The following ST8SIA6 variants were observed in gnomAD, a reference collection of about 807,000 sequenced individuals.
ST8SIA6 encodes ST8 alpha-N-acetyl-neuraminide alpha-2,8-sialyltransferase 6, also known as alpha-2,8-sialyltransferase 8F.
In ST8SIA6, 39 loss-of-function variants were observed where a neutral mutation model predicts 33.6. The observed-to-expected ratio is 1.16, with a 90% CI of 0.90 to 1.52. ST8SIA6 has a LOEUF of 1.52. ST8SIA6 is among the 40% of genes most tolerant of loss of function. The probability of loss-of-function intolerance (pLI) is 0.00; values close to 1 mark genes in which losing one functional copy is unlikely to be tolerated. For missense variants in ST8SIA6, 441 were observed against 443.8 expected (o/e 0.99, Z 0.06); for synonymous variants, 172 against 167.2 (o/e 1.03, Z -0.22).
intron 2 of ST8SIA6, among the ~76,000 whole-genome samples, chr10:17,439,710 C>T (rs769127531): frequency 6.6e-6 from 1 of 152,206 alleles, no homozygotes; most frequent in Non-Finnish European, 1.5e-5. Context: ...GCCTCCTGCA[C>T]AATCCTAACA....
At chr10:17,408,767 T>G (rs1382431812) in intron 2 of ST8SIA6, among the ~76,000 whole-genome samples, 1 of 152,028 alleles carries the variant, frequency 6.6e-6, no homozygotes, top group African/African-American at 2.4e-5. Flanking sequence ...TTTATTTATT[T>G]TTTTTGAGAC....
At position 17,398,872 on chromosome 10, in the gene ST8SIA6, A is replaced by G. The variant is rs182177905; in HGVS notation, c.201-8252T>C. 6.3e-4 allele frequency among the ~76,000 whole-genome samples: 96 copies of G among 152,284 alleles called. 1 individual carries two copies. Among genetic ancestry groups the G allele is most frequent in the Non-Finnish European group, 1.0e-3 (68 of 68,024 alleles). Reference sequence around the variant, plus strand: ...TGCCCCTGGGACAGAGGCCACAGTAATTAGCTGTGCACCAACTTCCAGCTC... The same window carrying G: ...TGCCCCTGGGACAGAGGCCACAGTAGTTAGCTGTGCACCAACTTCCAGCTC... On this transcript the variant is annotated intron_variant, in intron 2 of 7. Transcript: ENST00000377602.
At chr10:17,387,126 A>G (rs1850397743) in intron 3 of ST8SIA6, 1 of 152,380 alleles carries the variant, frequency 6.6e-6, no homozygotes, top group African/African-American at 2.4e-5. Context: ...CAGAGATGAA[A>G]CTGGAGGGTG....
intron 2 of ST8SIA6, among the ~76,000 whole-genome samples, chr10:17,443,848 C>T (rs1004747145): frequency 3.3e-5 from 5 of 152,152 alleles, no homozygotes; most frequent in Admixed American, 6.5e-5. Flanking sequence ...CCAAACCATC[C>T]GTGGCTTTTT....
intron 4 of ST8SIA6, among the ~76,000 whole-genome samples, chr10:17,357,655 C>A (rs1477873925): frequency 6.6e-6 from 1 of 152,184 alleles, no homozygotes; most frequent in East Asian, 1.9e-4. Context: ...ATTCTCCCTG[C>A]CTTCGTGGCA....
chr10:17,364,573 A>G (rs1322268946), intron 3 of ST8SIA6, among the ~76,000 whole-genome samples: 1 of 152,196 alleles, frequency 6.6e-6, no homozygotes, highest in Non-Finnish European at 1.5e-5. Context: ...TATAAAAGGG[A>G]ATTTTTTTCT....
intron 2 of ST8SIA6, 132 bp downstream of exon 2, chr10:17,453,427 A>G (rs922009779): frequency 4.9e-6 from 3 of 614,800 alleles, no homozygotes; most frequent in Non-Finnish European, 7.1e-6. Context: ...CTTCAAACAC[A>G]CGCACACTCT....
chr10:17,436,869 G>C (rs1852280308), intron 2 of ST8SIA6, among the ~76,000 whole-genome samples: 6 of 152,086 alleles, frequency 3.9e-5, no homozygotes, highest in Admixed American at 3.9e-4. Context: ...CTCTTCCCTT[G>C]TCTGCCACCC....
At chr10:17,333,674 T>TAGATATATATATATAGATAG (rs1430829549) in intron 4 of ST8SIA6, among the ~76,000 whole-genome samples, 1 of 24,260 alleles carries the variant, frequency 4.1e-5, no homozygotes, top group South Asian at 1.9e-3. Context: ...GGTGCTGGGA[T>TAGATATATATATATAGATAG]ATATATATAT....
chr10:17,323,010 A>C, intron 7 of ST8SIA6, 55 bp downstream of exon 7: 2 of 1,490,556 alleles, frequency 1.3e-6, no homozygotes, highest in Non-Finnish European at 1.9e-6. Flanking sequence ...GCTGAGAAAC[A>C]TGTTGAACAA....
At position 17,321,021 on chromosome 10, in the gene ST8SIA6, C is replaced by T; in HGVS notation, c.1054G>A (p.Asp352Asn). ...GFWPFSKTVE[D>N]IPVSHHYYDN... ...TAATAGTGATGGCTGACAGGTATGT[C>T]TTCTACAGTTTTAGAGAAGGGCCAG... Residue 352 changes from aspartate (D) to asparagine (N), a missense_variant, in exon 8 of 8, where the codon GAC becomes AAC. Transcript: ENST00000377602. 1 of 1,614,020 alleles carries T rather than the reference C, an allele frequency of 6.2e-7. No homozygotes were observed. Among genetic ancestry groups the T allele is most frequent in the East Asian group, 2.2e-5 (1 of 44,876 alleles).
At chr10:17,326,787 A>T (rs770861827) in intron 6 of ST8SIA6, among the ~76,000 whole-genome samples, 23 of 152,200 alleles carry the variant, frequency 1.5e-4, no homozygotes, top group Non-Finnish European at 3.1e-4. Context: ...AATTTCACCC[A>T]GAGTTTCCTA....
chr10:17,381,983 G>A (rs774839447), intron 3 of ST8SIA6, among the ~76,000 whole-genome samples: 1 of 152,196 alleles, frequency 6.6e-6, no homozygotes, highest in Non-Finnish European at 1.5e-5. Flanking sequence ...AACAAGGACA[G>A]CTTGAAGGTT....
At chr10:17,440,470 TGCTGGGATTACAG>T (rs888760902) in intron 2 of ST8SIA6, among the ~76,000 whole-genome samples, 1 of 152,152 alleles carries the variant, frequency 6.6e-6, no homozygotes, top group African/African-American at 2.4e-5. Flanking sequence ...CCTCCCAAAG[TGCTGGGATTACAG>T]GTGTGAGCCA....
chr10:17,443,422 C>T (rs1852575775), intron 2 of ST8SIA6, among the ~76,000 whole-genome samples: 1 of 152,184 alleles, frequency 6.6e-6, no homozygotes, highest in African/African-American at 2.4e-5. Context: ...TCTTTACAAC[C>T]TCAATTTCTG....
chr10:17,364,167 TTGCCATCCATGGACAACTGGGAAAAATG>T (rs1032250345), intron 3 of ST8SIA6, among the ~76,000 whole-genome samples: 1 of 152,232 alleles, frequency 6.6e-6, no homozygotes, highest in Non-Finnish European at 1.5e-5. Context: ...AACATTAAAA[TTGCCATCCATGGACAACTGGGAAAAATG>T]TGCATTGTAG....
At chr10:17,338,741 A>G (rs1162971070) in intron 4 of ST8SIA6, among the ~76,000 whole-genome samples, 3 of 152,192 alleles carry the variant, frequency 2.0e-5, no homozygotes, top group Non-Finnish European at 4.4e-5. Context: ...GCACCCTAAA[A>G]TAAATTGAAA....
At chr10:17,395,875 C>G (rs1216118474) in intron 2 of ST8SIA6, among the ~76,000 whole-genome samples, 18 of 151,784 alleles carry the variant, frequency 1.2e-4, no homozygotes, top group Non-Finnish European at 1.5e-5. Context: ...AAGAGCGAAA[C>G]AAAACAAAAA....
At chr10:17,405,926 A>G (rs903744983) in intron 2 of ST8SIA6, among the ~76,000 whole-genome samples, 3 of 151,776 alleles carry the variant, frequency 2.0e-5, no homozygotes, top group African/African-American at 7.3e-5. Context: ...TAGCCCTTCT[A>G]TGATTTCAGC....
Sources: allele counts gnomAD v4.1 joint callset (sites outside exome capture counted in the v4.1 genomes callset), GRCh38; gene constraint gnomAD v4.1.1; transcripts MANE v1.5; gene names NCBI Gene and HGNC (gene_info 2026-07-23, HGNC 2026-07-21).